The following MNAT1 variants were observed in gnomAD, a reference collection of about 807,000 sequenced individuals.
The protein encoded by MNAT1 is MNAT1 component of CDK activating kinase.
A neutral mutation model predicts 42.0 loss-of-function variants in MNAT1; 43 were observed. The ratio of observed to expected loss-of-function variants is 1.02; its 90% CI spans 0.80 to 1.32. The LOEUF (loss-of-function observed/expected upper bound fraction) is 1.32, where lower values mean the gene tolerates loss of function less well. MNAT1 is among the 40% of genes most tolerant of loss of function. The pLI is 0.00. For missense variants in MNAT1, 306 were observed against 350.4 expected, an observed-to-expected ratio of 0.87 and a Z score of 1.01; for synonymous variants, 118 against 120.0, an observed-to-expected ratio of 0.98 and a Z score of 0.11.
intron 1 of MNAT1, among the ~76,000 whole-genome samples, chr14:60,745,499 C>A (rs1310425628): frequency 1.3e-5 from 2 of 152,220 alleles, no homozygotes; most frequent in Admixed American, 1.3e-4. Context: ...TCATTGCAAC[C>A]TTTGCCTCCC....
In MNAT1 at chr14:60,758,606, AC is replaced by A. The variant is rs368648378; in HGVS notation, c.89+23660del. Among the ~76,000 whole-genome samples the A allele has an allele frequency of 8.0e-3, 1,215 of 151,808 alleles. 18 individuals carry two copies. The highest frequency in any genetic ancestry group is 0.02 in the African/African-American group (817 of 41,450). ...ACTCCTCCCAACCCTCCAAAAAAAA[AC>A]CCCCAAATTCAGAAAACAAAACAAA... On this transcript the variant is annotated intron_variant, in intron 1 of 7. Coordinates refer to ENST00000261245, the MANE Select transcript of MNAT1 (RefSeq NM_002431.4).
chr14:60,771,742 A>G (rs1195269846), intron 1 of MNAT1, among the ~76,000 whole-genome samples: 1 of 152,134 alleles, frequency 6.6e-6, no homozygotes, highest in African/African-American at 2.4e-5. Context: ...ACACTACGTA[A>G]TTTATCTGTC....
chr14:60,902,424 T>C (rs1566545351), intron 7 of MNAT1, among the ~76,000 whole-genome samples: 1 of 152,206 alleles, frequency 6.6e-6, no homozygotes, highest in Non-Finnish European at 1.5e-5. Context: ...ATAGGTTTTC[T>C]CTTGCTACTT....
intron 6 of MNAT1, among the ~76,000 whole-genome samples, chr14:60,832,381 C>G (rs189668554): frequency 6.6e-6 from 1 of 152,264 alleles, no homozygotes; most frequent in Admixed American, 6.5e-5. Context: ...GATCCAGTTT[C>G]AGTTTTCTGC....
intron 7 of MNAT1, among the ~76,000 whole-genome samples, chr14:60,925,743 A>G (rs1349032490): frequency 2.0e-5 from 3 of 152,164 alleles, no homozygotes; most frequent in Non-Finnish European, 2.9e-5. Flanking sequence ...TGGAGGAATA[A>G]TTAATGTTTT....
chr14:60,870,313 A>G (rs1355075783), intron 6 of MNAT1, among the ~76,000 whole-genome samples: 1 of 152,190 alleles, frequency 6.6e-6, no homozygotes, highest in African/African-American at 2.4e-5. Context: ...TACTGAATGT[A>G]CAGTTTGCAT....
At position 60,879,816 on chromosome 14, in the gene MNAT1, G is replaced by C. The variant is rs1476171074; in HGVS notation, c.790G>C (p.Glu264Gln). The C allele has an allele frequency of 6.2e-7, 1 of 1,612,852 alleles. No individual in the cohort carries two copies. ...ETYGPHVPEL[E>Q]MLGRLGYLNH... ...ATATGGACCACATGTTCCTGAGCTT[G>C]AGATGCTAGGAAGACTTGGGTATGT... Residue 264 changes from glutamate to glutamine, a missense_variant, in exon 7 of 8, where the codon GAG becomes CAG. Physicochemically the swap from Glu to Gln is conservative, Grantham distance 29. Around this residue, in one of 3 missense-constraint regions of MNAT1, gnomAD observed 116 missense variants for 139.6 expected, o/e 0.83. Coordinates refer to ENST00000261245, the MANE Select transcript of MNAT1 (RefSeq NM_002431.4).
rs371722863 is a variant in MNAT1 at position 60,918,758 on chromosome 14, T to TATATATATATATA, written c.809+38923_809+38924insATATATATATATA. ...AGAATATATATATATATATATATAT[T>TATATATATATATA]TTTGTCCTTAAAAATACATACTTGA... On this transcript the variant is annotated intron_variant, in intron 7 of 7. Transcript: ENST00000261245. Among the ~76,000 whole-genome samples, 452 of 142,382 alleles carry TATATATATATATA rather than the reference T, an allele frequency of 3.2e-3. 1 individual carries two copies. Among genetic ancestry groups the TATATATATATATA allele is most frequent in the East Asian group, 0.012 (55 of 4,658 alleles). 93.4% of individuals were successfully genotyped at this position (142,382 alleles called of 152,430 possible). A position where few individuals can be genotyped will look rare whatever the true frequency, so the allele number is the denominator to read the frequency against.
intron 7 of MNAT1, among the ~76,000 whole-genome samples, chr14:60,898,261 C>T (rs1468007607): frequency 2.0e-5 from 3 of 151,942 alleles, no homozygotes; most frequent in Non-Finnish European, 4.4e-5. Context: ...CCTTGATATA[C>T]TGATTTCTTT....
chr14:60,746,282 G>A (rs574066212), intron 1 of MNAT1, among the ~76,000 whole-genome samples: 76 of 152,198 alleles, frequency 5.0e-4, no homozygotes, highest in Non-Finnish European at 3.2e-4. Flanking sequence ...TTGGGAGGCC[G>A]AGGCGGGTAG....
intron 6 of MNAT1, among the ~76,000 whole-genome samples, chr14:60,862,890 TAATG>T (rs2034128578): frequency 6.6e-6 from 1 of 152,118 alleles, no homozygotes; most frequent in African/African-American, 2.4e-5. Context: ...AGTGTTCACA[TAATG>T]AAGGTAGGAT....
At chr14:60,828,803 A>T (rs1013361136) in intron 6 of MNAT1, among the ~76,000 whole-genome samples, 1 of 152,212 alleles carries the variant, frequency 6.6e-6, no homozygotes, top group Non-Finnish European at 1.5e-5. Context: ...TATTTGCTGG[A>T]GTGGCTCATG....
At chr14:60,802,458 TA>T (rs2032235547) in intron 3 of MNAT1, among the ~76,000 whole-genome samples, 1 of 152,174 alleles carries the variant, frequency 6.6e-6, no homozygotes, top group Admixed American at 6.5e-5. Flanking sequence ...ATACAATTAT[TA>T]TTTGTCAACT....
intron 5 of MNAT1, among the ~76,000 whole-genome samples, chr14:60,814,585 T>G (rs932649779): frequency 1.3e-5 from 2 of 152,114 alleles, no homozygotes; most frequent in Non-Finnish European, 2.9e-5. Flanking sequence ...TGTGTTCTTC[T>G]ACTGTGCTTT....
chr14:60,782,941 A>G (rs563398163), intron 1 of MNAT1, among the ~76,000 whole-genome samples: 6 of 152,202 alleles, frequency 3.9e-5, no homozygotes, highest in Non-Finnish European at 8.8e-5. Context: ...TTTCCTAACT[A>G]TATAATACAT....
intron 1 of MNAT1, among the ~76,000 whole-genome samples, chr14:60,778,144 G>T (rs2031318889): frequency 6.6e-6 from 1 of 152,142 alleles, no homozygotes; most frequent in Admixed American, 6.5e-5. Context: ...AGTTTTGGCT[G>T]CAAACCTATG....
chr14:60,822,743 C>T lies in MNAT1; in HGVS notation c.687+3896C>T, dbSNP rs370230199. Among the ~76,000 whole-genome samples, 75 of 151,750 alleles carry T rather than the reference C, an allele frequency of 4.9e-4. 1 individual carries two copies. Among genetic ancestry groups the T allele is most frequent in the Non-Finnish European group, 1.5e-4 (10 of 67,934 alleles). The stretch of plus-strand genomic sequence containing the variant: ...ACAGGTGTGAGCCAGTGTGCTCAGG[C>T]GGGAGCCTACTTTATTTTTTATTTT... On this transcript the variant is annotated intron_variant, in intron 6 of 7. Coordinates refer to ENST00000261245, the MANE Select transcript of MNAT1 (RefSeq NM_002431.4).
chr14:60,926,717 ATTTT>A lies in MNAT1; in HGVS notation c.810-41510_810-41507del, dbSNP rs1362387909. ...GCTCATCCCAACTCTGTCATTTTGG[ATTTT>A]TATGAAGGCTTAATTATGTAGGCTC... On this transcript the variant is annotated intron_variant, in intron 7 of 7. Transcript: ENST00000261245. 2.0e-5 allele frequency among the ~76,000 whole-genome samples: 3 copies of A among 152,104 alleles called. No individual in the cohort carries two copies. The South Asian group carries it at 6.2e-4, about 32-fold the overall frequency.
At chr14:60,841,701 CATTAAAT>C (rs1033778173) in intron 6 of MNAT1, among the ~76,000 whole-genome samples, 72 of 152,158 alleles carry the variant, frequency 4.7e-4, no homozygotes, top group African/African-American at 1.6e-3. Context: ...TTTGGTATTC[CATTAAAT>C]ATTATAAGAC....
Sources: gnomAD v4.1 joint callset for allele counts (sites outside exome capture counted in the v4.1 genomes callset) on GRCh38, gnomAD v4.1.1 for gene constraint, gnomAD v4.1.1 regional missense constraint, MANE v1.5 for transcripts, NCBI Gene and HGNC (gene_info 2026-07-23, HGNC 2026-07-21) for gene names.